The following UBE2W variants were observed in gnomAD, a reference collection of about 807,000 sequenced individuals.
The protein encoded by UBE2W is ubiquitin conjugating enzyme E2 W.
A neutral mutation model predicts 27.2 loss-of-function variants in UBE2W; 18 were observed. The ratio of observed to expected loss-of-function variants is 0.66; its 90% confidence interval spans 0.46 to 0.98. The LOEUF is 0.98. Among genes scored for constraint, UBE2W ranks in the 50% least tolerant of loss-of-function variants. The pLI, the probability that UBE2W is intolerant of heterozygous loss-of-function variation, is 0.00. For synonymous variants in UBE2W, 53 were observed against 57.2 expected (o/e 0.93, Z 0.33); for missense variants, 90 against 180.2 (o/e 0.50, Z 2.87).
downstream of UBE2W, among the ~76,000 whole-genome samples, chr8:73,781,624 T>TG (rs1563557448): frequency 7.3e-6 from 1 of 136,542 alleles, no homozygotes; most frequent in African/African-American, 3.6e-5. Context: ...TTTGGGTTTT[T>TG]TTTTTTTTTT....
chr8:73,788,940 C>A lies in UBE2W; in HGVS notation c.*5162G>T, dbSNP rs1204156771. ...GCATTCCTTCCACATACTCAAAATA[C>A]CCTCAGATATTTTATTAACAAAAAA... On this transcript the variant is annotated 3_prime_UTR_variant, in exon 6 of 6. Coordinates refer to ENST00000602593, the MANE Select transcript of UBE2W (RefSeq NM_018299.6). 3 of 983,340 alleles carry A rather than the reference C, an allele frequency of 3.1e-6. No individual in the cohort carries two copies. Among genetic ancestry groups the A allele is most frequent in the Non-Finnish European group, 3.6e-6 (3 of 828,368 alleles). The allele number at this position is 983,340 out of a possible 1,614,324, so 60.9% of individuals were successfully genotyped here. A position where few individuals can be genotyped will look rare whatever the true frequency, so the allele number is the denominator to read the frequency against.
At chr8:73,835,811 C>G (rs1464386409) in intron 1 of UBE2W, among the ~76,000 whole-genome samples, 2 of 152,136 alleles carry the variant, frequency 1.3e-5, no homozygotes, top group African/African-American at 4.8e-5. Context: ...AAATCACTTG[C>G]TCTGGAGGAA....
chr8:73,877,349 T>G (rs1812276301), intron 1 of UBE2W, among the ~76,000 whole-genome samples: 1 of 152,196 alleles, frequency 6.6e-6, no homozygotes, highest in Non-Finnish European at 1.5e-5. Context: ...ATTGTTCCTG[T>G]TTTTTCCCTG....
At chr8:73,817,798 C>T (rs1433064152) in intron 3 of UBE2W, among the ~76,000 whole-genome samples, 3 of 152,228 alleles carry the variant, frequency 2.0e-5, no homozygotes, top group Non-Finnish European at 4.4e-5. Context: ...GAGGCATGAG[C>T]CACCACGCCC....
chr8:73,826,092 C>T (rs935318170), intron 2 of UBE2W, among the ~76,000 whole-genome samples: 9 of 151,976 alleles, frequency 5.9e-5, no homozygotes, highest in African/African-American at 2.2e-4. Flanking sequence ...GACATCAGTC[C>T]ACTTACTCTG....
intron 1 of UBE2W, among the ~76,000 whole-genome samples, chr8:73,875,913 C>A (rs1018118401): frequency 1.3e-5 from 2 of 151,882 alleles, no homozygotes; most frequent in Non-Finnish European, 2.9e-5. Context: ...ATTACCTGGG[C>A]GTGGTGGCCA....
intron 1 of UBE2W, among the ~76,000 whole-genome samples, chr8:73,852,945 G>C (rs371507484): frequency 2.0e-5 from 3 of 152,158 alleles, no homozygotes; most frequent in African/African-American, 7.2e-5. Flanking sequence ...GGTGCTGTAA[G>C]GGATATTCTA....
chr8:73,790,594 AC>A lies in UBE2W; in HGVS notation c.*3507del. On this transcript the variant is annotated 3_prime_UTR_variant, in exon 6 of 6. Coordinates refer to ENST00000602593, the MANE Select transcript of UBE2W (RefSeq NM_018299.6). ...AGATCAAGAAATATAAGCAGCAGTA[AC>A]CATAAAGGCTTAGAACTAGTGACAC... The A allele has an allele frequency of 2.0e-6, 2 of 985,148 alleles. No homozygotes were observed. The highest frequency in any genetic ancestry group is 2.3e-4 in the East Asian group (2 of 8,822). 61.0% of individuals were successfully genotyped at this position (985,148 alleles called of 1,614,324 possible).
intron 1 of UBE2W, among the ~76,000 whole-genome samples, chr8:73,865,224 T>C (rs938328208): frequency 7.2e-6 from 1 of 138,686 alleles, no homozygotes; most frequent in African/African-American, 2.7e-5. Flanking sequence ...CGAGTATCAA[T>C]TTTAGGGTTA....
intron 1 of UBE2W, among the ~76,000 whole-genome samples, chr8:73,836,696 CAT>C (rs1810320390): frequency 6.6e-6 from 1 of 152,240 alleles, no homozygotes; most frequent in Non-Finnish European, 1.5e-5. Context: ...GCTATAATCA[CAT>C]GAGGCTGCAT....
intron 3 of UBE2W, among the ~76,000 whole-genome samples, chr8:73,816,243 C>T (rs977064193): frequency 2.0e-5 from 3 of 152,176 alleles, no homozygotes; most frequent in Non-Finnish European, 4.4e-5. Flanking sequence ...GTTCTTTTAG[C>T]CTACTAGTCT....
Position 73,789,606 on chromosome 8 carries a change from G to A in UBE2W, c.*4496C>T, listed in dbSNP as rs1808109054. On this transcript the variant is annotated 3_prime_UTR_variant, in exon 6 of 6. Transcript: ENST00000602593. ...CATGCCTGTAATCGCAGCACTTTGG[G>A]AGGCTGAGGTGGGCAGATCACTTGA... The A allele has an allele frequency of 6.6e-6, 1 of 152,422 alleles. No homozygotes were observed. Among genetic ancestry groups the A allele is most frequent in the South Asian group, 2.1e-4 (1 of 4,830 alleles). 9.4% of individuals were successfully genotyped at this position (152,422 alleles called of 1,614,324 possible).
chr8:73,812,022 T>C (rs1341782759), intron 3 of UBE2W, among the ~76,000 whole-genome samples: 1 of 152,060 alleles, frequency 6.6e-6, no homozygotes, highest in Non-Finnish European at 1.5e-5. Context: ...AAGATTTACA[T>C]GTTAATAAAG....
At chr8:73,863,867 C>A (rs746468475) in intron 1 of UBE2W, among the ~76,000 whole-genome samples, 2 of 150,174 alleles carry the variant, frequency 1.3e-5, no homozygotes, top group African/African-American at 4.9e-5. Context: ...CAGGTGATTT[C>A]GATGTGATAT....
intron 1 of UBE2W, among the ~76,000 whole-genome samples, chr8:73,863,941 A>G (rs1428461015): frequency 6.8e-6 from 1 of 147,104 alleles, no homozygotes; most frequent in African/African-American, 2.7e-5. Flanking sequence ...ACAAAAAACA[A>G]AAAACAAACC....
chr8:73,803,480 T>C (rs1395528971), intron 5 of UBE2W, among the ~76,000 whole-genome samples: 1 of 152,182 alleles, frequency 6.6e-6, no homozygotes, highest in Non-Finnish European at 1.5e-5. Flanking sequence ...TAATTCTCCA[T>C]TACCTTTATG....
At chr8:73,845,649 T>C (rs1810767028) in intron 1 of UBE2W, among the ~76,000 whole-genome samples, 1 of 151,822 alleles carries the variant, frequency 6.6e-6, no homozygotes, top group African/African-American at 2.4e-5. Context: ...CCTCCACTAT[T>C]GTCCTATGAC....
At chr8:73,805,472 C>CAAAACAAAAAAAAAAAAAAA (rs1554579998) in intron 5 of UBE2W, among the ~76,000 whole-genome samples, 179 bp downstream of exon 5, 1 of 43,694 alleles carries the variant, frequency 2.3e-5, no homozygotes, top group East Asian at 1.1e-3. Flanking sequence ...AAAAAAAAAA[C>CAAAACAAAAAAAAAAAAAAA]AAAAAAAACT....
downstream of UBE2W, among the ~76,000 whole-genome samples, chr8:73,785,488 T>C (rs753751560): frequency 3.3e-5 from 5 of 152,096 alleles, no homozygotes; most frequent in Non-Finnish European, 7.4e-5. Flanking sequence ...CACGTGCAGG[T>C]TGGTTACACA....
Sources: gnomAD v4.1 joint callset for allele counts (sites outside exome capture counted in the v4.1 genomes callset) on GRCh38, gnomAD v4.1.1 for gene constraint, MANE v1.5 for transcripts, NCBI Gene and HGNC (gene_info 2026-07-23, HGNC 2026-07-21) for gene names.